The following PLPP4 variants were observed in gnomAD, a reference collection of about 807,000 sequenced individuals.
The protein encoded by PLPP4 is diacylglycerol pyrophosphate like 2.
PLPP4 carries 20 observed loss-of-function variants against 32.2 expected under a neutral mutation model. That is an observed-to-expected ratio of 0.62 (90% CI 0.44 to 0.90). The LOEUF (loss-of-function observed/expected upper bound fraction) is 0.90, where lower values mean the gene tolerates loss of function less well. Among genes scored for constraint, PLPP4 ranks in the 40% least tolerant of loss-of-function variants. The pLI is 0.00. For missense variants in PLPP4, 257 were observed against 353.1 expected, an observed-to-expected ratio of 0.73 and a Z score of 2.18; for synonymous variants, 127 against 133.0, an observed-to-expected ratio of 0.95 and a Z score of 0.31.
chr10:120,459,861 C>T lies in PLPP4; in HGVS notation c.56+2500C>T, dbSNP rs559966992. Reference sequence around the variant, plus strand: ...CCTGTTACCCGTAGCCCATATGCTCCTCAAAGATTCCAAGTGAGAGCTAAG... The same window carrying T: ...CCTGTTACCCGTAGCCCATATGCTCTTCAAAGATTCCAAGTGAGAGCTAAG... On this transcript the variant is annotated intron_variant, in intron 1 of 6. Coordinates refer to ENST00000398250, the MANE Select transcript of PLPP4 (RefSeq NM_001030059.3). Among the ~76,000 whole-genome samples the T allele has an allele frequency of 3.7e-4, 56 of 152,302 alleles. 2 individuals are homozygous for T. In the South Asian group the frequency reaches 9.1e-3, roughly 25 times the overall value.
chr10:120,499,259 A>C (rs916339299), intron 1 of PLPP4, among the ~76,000 whole-genome samples: 1 of 152,144 alleles, frequency 6.6e-6, no homozygotes, highest in Non-Finnish European at 1.5e-5. Context: ...GAATGGCTTC[A>C]GGTTGCTGTG....
At chr10:120,589,260 C>A in intron 6 of PLPP4, 43 bp from the exon 7 acceptor site, 5 of 1,574,838 alleles carry the variant, frequency 3.2e-6, no homozygotes, top group Non-Finnish European at 4.4e-6. Flanking sequence ...CACATTTGAA[C>A]AAATGGTAAC....
chr10:120,544,717 A>C (rs1291523744), intron 5 of PLPP4, among the ~76,000 whole-genome samples: 2 of 152,234 alleles, frequency 1.3e-5, no homozygotes, highest in African/African-American at 4.8e-5. Flanking sequence ...TATGTGTTAT[A>C]GGTTTGGTGA....
At position 120,589,806 on chromosome 10, in the gene PLPP4, T is replaced by C. The variant is rs1282133557; in HGVS notation, c.*304T>C. 5 of 334,182 alleles carry C rather than the reference T, an allele frequency of 1.5e-5. No homozygotes were observed. The highest frequency in any genetic ancestry group is 2.8e-5 in the Non-Finnish European group (5 of 181,610). The allele number at this position is 334,182 out of a possible 1,614,324, so 20.7% of individuals were successfully genotyped here. A position where few individuals can be genotyped will look rare whatever the true frequency, so the allele number is the denominator to read the frequency against. On this transcript the variant is annotated 3_prime_UTR_variant, in exon 7 of 7. Coordinates refer to ENST00000398250, the MANE Select transcript of PLPP4 (RefSeq NM_001030059.3). Reference sequence around the variant, plus strand: ...GTTTGCTGTAACAGCCACCTTCCTATGTTTTCATGGTTGTAAAACATAATA... The same window carrying C: ...GTTTGCTGTAACAGCCACCTTCCTACGTTTTCATGGTTGTAAAACATAATA...
intron 1 of PLPP4, among the ~76,000 whole-genome samples, chr10:120,465,860 T>C (rs535371532): frequency 9.2e-4 from 140 of 152,270 alleles, no homozygotes; most frequent in African/African-American, 3.2e-3. Context: ...TTGTTGAATG[T>C]GTTTTTGAGA....
chr10:120,574,168 ACTCTCTCTCTCTCTCTCTCTCTCTCTCT>A (rs58917160), intron 5 of PLPP4, among the ~76,000 whole-genome samples: 1 of 47,118 alleles, frequency 2.1e-5, no homozygotes, highest in African/African-American at 8.6e-5. Context: ...ACACACACAC[ACTCTCTCTCTCTCTCTCTCTCTCTCTCT>A]CTCTCTCTCT....
At chr10:120,477,484 T>C (rs1352923438) in intron 1 of PLPP4, among the ~76,000 whole-genome samples, 2 of 152,116 alleles carry the variant, frequency 1.3e-5, no homozygotes, top group Admixed American at 6.5e-5. Context: ...GAAAATCACC[T>C]CCCATTTTTC....
At chr10:120,542,501 T>A (rs1847393134) in intron 5 of PLPP4, among the ~76,000 whole-genome samples, 1 of 152,210 alleles carries the variant, frequency 6.6e-6, no homozygotes. Flanking sequence ...CACTGTTTCC[T>A]GGGTCTCCTC....
chr10:120,511,680 A>G, intron 2 of PLPP4, among the ~76,000 whole-genome samples: 1 of 152,224 alleles, frequency 6.6e-6, no homozygotes. Flanking sequence ...TGACCATAAC[A>G]TTGGACTTTA....
intron 1 of PLPP4, among the ~76,000 whole-genome samples, chr10:120,486,269 T>C (rs1003363036): frequency 1.2e-4 from 19 of 152,048 alleles, no homozygotes; most frequent in Admixed American, 1.3e-4. Context: ...TAAGTTTTTT[T>C]TTTTTTCCTC....
intron 5 of PLPP4, among the ~76,000 whole-genome samples, chr10:120,573,734 T>C (rs1021360402): frequency 3.9e-5 from 6 of 152,152 alleles, no homozygotes; most frequent in Non-Finnish European, 7.3e-5. Flanking sequence ...ATAAAGACAA[T>C]GAATGTATTT....
At chr10:120,539,262 A>G (rs1847223955) in intron 5 of PLPP4, among the ~76,000 whole-genome samples, 1 of 152,220 alleles carries the variant, frequency 6.6e-6, no homozygotes, top group Admixed American at 6.5e-5. Context: ...TGTTAGAGGC[A>G]GAAGGGGTCA....
intron 6 of PLPP4, chr10:120,587,200 G>C (rs1482896323): frequency 6.6e-6 from 1 of 152,298 alleles, no homozygotes; most frequent in East Asian, 1.9e-4. Context: ...GGCTGGGATG[G>C]TTGGCAGGGC....
intron 1 of PLPP4, among the ~76,000 whole-genome samples, chr10:120,464,822 C>T (rs143706936): frequency 2.6e-5 from 4 of 152,352 alleles, no homozygotes; most frequent in Admixed American, 6.5e-5. Flanking sequence ...ATCAGGCACC[C>T]TCTCAGCCCA....
intron 2 of PLPP4, among the ~76,000 whole-genome samples, chr10:120,509,952 G>A (rs1232880880): frequency 6.6e-6 from 1 of 152,200 alleles, no homozygotes; most frequent in African/African-American, 2.4e-5. Context: ...AAAGTGCAGA[G>A]CCTAATTTAG....
intron 1 of PLPP4, among the ~76,000 whole-genome samples, chr10:120,480,864 G>C (rs1844167653): frequency 6.6e-6 from 1 of 152,090 alleles, no homozygotes; most frequent in Non-Finnish European, 1.5e-5. Context: ...GGCCCAAGTT[G>C]GGCTCTACTT....
At chr10:120,521,556 T>G (rs546914340) in intron 5 of PLPP4, among the ~76,000 whole-genome samples, 11 of 152,364 alleles carry the variant, frequency 7.2e-5, no homozygotes, top group African/African-American at 1.2e-4. Context: ...ATGCCTCCAG[T>G]TTATAGTCTG....
Position 120,591,249 on chromosome 10 carries a change from A to C in PLPP4, c.*1747A>C, listed in dbSNP as rs11199423. 0.62 allele frequency among the ~76,000 whole-genome samples: 94,793 copies of C among 151,908 alleles called. 29,841 individuals are homozygous for C. Among genetic ancestry groups the C allele is most frequent in the East Asian group, 0.87 (4,508 of 5,158 alleles). On this transcript the variant is annotated 3_prime_UTR_variant, in exon 7 of 7. Coordinates refer to ENST00000398250, the MANE Select transcript of PLPP4 (RefSeq NM_001030059.3). ...TAAGCTTGGAGTGCATGTACCACTGACTATGCTCCATGAGCCCCAGTGCAG... is the reference window on the plus strand; with the variant it reads ...TAAGCTTGGAGTGCATGTACCACTGCCTATGCTCCATGAGCCCCAGTGCAG...
intron 5 of PLPP4, among the ~76,000 whole-genome samples, chr10:120,549,711 T>C (rs1391137703): frequency 6.6e-6 from 1 of 151,940 alleles, no homozygotes; most frequent in Non-Finnish European, 1.5e-5. Flanking sequence ...AAATCAGCCA[T>C]TGCAAGTAAG....
Sources: allele counts gnomAD v4.1 joint callset (sites outside exome capture counted in the v4.1 genomes callset), GRCh38; gene constraint gnomAD v4.1.1; transcripts MANE v1.5; gene names NCBI Gene and HGNC (gene_info 2026-07-23, HGNC 2026-07-21).